The following NEURL1 variants were observed in gnomAD, a reference collection of about 807,000 sequenced individuals.
The protein encoded by NEURL1 is E3 ubiquitin-protein ligase NEURL1.
In NEURL1, 26 loss-of-function variants were observed where a neutral mutation model predicts 41.2. The ratio of observed to expected loss-of-function variants is 0.63; its 90% CI spans 0.46 to 0.87. NEURL1 has a LOEUF of 0.87. Ranked by LOEUF, NEURL1 falls within the 40% of genes least tolerant of loss-of-function variation. The pLI, the probability that NEURL1 is intolerant of heterozygous loss-of-function variation, is 0.00. For synonymous variants in NEURL1, 400 were observed against 402.3 expected (o/e 0.99, Z 0.07); for missense variants, 761 against 871.1 (o/e 0.87, Z 1.59).
chr10:103,527,610 C>T (rs2034487804), intron 1 of NEURL1, among the ~76,000 whole-genome samples: 1 of 151,948 alleles, frequency 6.6e-6, no homozygotes. Context: ...TATCTCGTTT[C>T]ATCAGCAGGG....
Position 103,493,807 on chromosome 10 carries a change from C to T in NEURL1, c.-581C>T, listed in dbSNP as rs1200682423. On this transcript the variant is annotated 5_prime_UTR_variant, in exon 1 of 6. Transcript: ENST00000369780. ...GGGGGCGGCGGTCGCAGGAGGGACC[C>T]GGCGCGGGCGGGACCGCGGCGGTCG... Among the ~76,000 whole-genome samples the T allele has an allele frequency of 1.3e-5, 2 of 151,690 alleles. No individual in the cohort carries two copies. The highest frequency in any genetic ancestry group is 2.9e-5 in the Non-Finnish European group (2 of 67,874).
intron 1 of NEURL1, among the ~76,000 whole-genome samples, chr10:103,561,232 G>C (rs2035285310): frequency 6.6e-6 from 1 of 151,816 alleles, no homozygotes; most frequent in African/African-American, 2.4e-5. Flanking sequence ...CCAGTCTTGG[G>C]TGTGACATTC....
chr10:103,570,757 G>T (rs570692757), intron 1 of NEURL1, 115 bp from the exon 2 acceptor site: 1 of 1,508,442 alleles, frequency 6.6e-7, no homozygotes, highest in Non-Finnish European at 8.9e-7. Context: ...AGTGGTGAAA[G>T]AACTGGGCTC....
At chr10:103,567,739 G>A (rs372060049) in intron 1 of NEURL1, among the ~76,000 whole-genome samples, 26 of 152,292 alleles carry the variant, frequency 1.7e-4, no homozygotes, top group African/African-American at 6.0e-4. Context: ...CTTGCAGTCA[G>A]ATTGCTGGGT....
chr10:103,550,275 G>C (rs530302585), intron 1 of NEURL1, among the ~76,000 whole-genome samples: 1 of 152,200 alleles, frequency 6.6e-6, no homozygotes, highest in African/African-American at 2.4e-5. Context: ...AGGGGTCAGG[G>C]GACAGGAGAT....
Position 103,590,776 on chromosome 10 carries a change from A to C in NEURL1, c.*404A>C, listed in dbSNP as rs1488611350. The C allele has an allele frequency of 8.0e-6, 2 of 250,174 alleles. No homozygotes were observed. The highest frequency in any genetic ancestry group is 4.5e-5 in the African/African-American group (2 of 44,780). The allele number at this position is 250,174 out of a possible 1,614,324, so 15.5% of individuals were successfully genotyped here. A position where few individuals can be genotyped will look rare whatever the true frequency, so the allele number is the denominator to read the frequency against. On this transcript the variant is annotated 3_prime_UTR_variant, in exon 6 of 6. Transcript: ENST00000369780. ...CATGTACCTTCCTCTGGGCAGCTGCAGCCCTGAGCCAGGACATGTGGCCTG... is the reference window on the plus strand; with the variant it reads ...CATGTACCTTCCTCTGGGCAGCTGCCGCCCTGAGCCAGGACATGTGGCCTG...
At position 103,590,552 on chromosome 10, in the gene NEURL1, G is replaced by A; in HGVS notation, c.*180G>A. 1 of 606,016 alleles carries A rather than the reference G, an allele frequency of 1.7e-6. No individual in the cohort carries two copies. Among genetic ancestry groups the A allele is most frequent in the South Asian group, 2.0e-5 (1 of 50,348 alleles). The allele number at this position is 606,016 out of a possible 1,614,324, so 37.5% of individuals were successfully genotyped here. On this transcript the variant is annotated 3_prime_UTR_variant, in exon 6 of 6. Transcript: ENST00000369780. ...AGAGGGGGGTATCAGGCAGGGAGGG[G>A]GCAGAGGCAAATCACCGGGCAGAGG...
intron 1 of NEURL1, among the ~76,000 whole-genome samples, chr10:103,552,842 G>A (rs1235190908): frequency 6.6e-6 from 1 of 151,652 alleles, no homozygotes; most frequent in Non-Finnish European, 1.5e-5. Flanking sequence ...TAGGGTAAGT[G>A]TTAGGAGATG....
At position 103,588,771 on chromosome 10, in the gene NEURL1, C is replaced by T. The variant is rs551483962; in HGVS notation, c.1340-743C>T. On this transcript the variant is annotated intron_variant, in intron 4 of 5. Transcript: ENST00000369780. ...CCATCTTGGCCAACATGGTGAAACC[C>T]CGTCTCTATTAAAAATATTAAAAAA... 800 of 422,230 alleles carry T rather than the reference C, an allele frequency of 1.9e-3. 12 individuals carry two copies. The highest frequency in any genetic ancestry group is 0.015 in the African/African-American group (736 of 48,486). The allele number at this position is 422,230 out of a possible 1,614,324, so 26.2% of individuals were successfully genotyped here. A position where few individuals can be genotyped will look rare whatever the true frequency, so the allele number is the denominator to read the frequency against.
At chr10:103,579,588 C>T (rs529105642) in intron 3 of NEURL1, among the ~76,000 whole-genome samples, 41 of 152,238 alleles carry the variant, frequency 2.7e-4, no homozygotes, top group African/African-American at 8.7e-4. Context: ...CTTAGTTCCT[C>T]GAAAGTCCTG....
intron 5 of NEURL1, 95 bp downstream of exon 5, chr10:103,589,755 G>T: frequency 2.7e-6 from 4 of 1,492,716 alleles, no homozygotes; most frequent in Non-Finnish European, 3.6e-6. Flanking sequence ...AGAGGAGCTG[G>T]AGTTGGGCTC....
chr10:103,509,016 G>T (rs1329550959), intron 1 of NEURL1, among the ~76,000 whole-genome samples: 3 of 152,170 alleles, frequency 2.0e-5, no homozygotes, highest in Admixed American at 6.5e-5. Context: ...ATCACCTGAG[G>T]TCAGGAGTTC....
intron 3 of NEURL1, among the ~76,000 whole-genome samples, chr10:103,576,675 A>G (rs1224391239): frequency 6.6e-6 from 1 of 152,162 alleles, no homozygotes; most frequent in Non-Finnish European, 1.5e-5. Flanking sequence ...GAGGCTATCA[A>G]CACATCTAAA....
At chr10:103,574,592 G>A (rs2035618385) in intron 3 of NEURL1, among the ~76,000 whole-genome samples, 1 of 152,216 alleles carries the variant, frequency 6.6e-6, no homozygotes, top group Non-Finnish European at 1.5e-5. Flanking sequence ...GAGGCCAGGA[G>A]GGCTTCTTGG....
chr10:103,577,626 G>A (rs2035693490), intron 3 of NEURL1: 1 of 152,228 alleles, frequency 6.6e-6, no homozygotes, highest in Admixed American at 6.5e-5. Flanking sequence ...CAAGAGCGGG[G>A]ACAGTGGCCC....
At chr10:103,559,778 A>G (rs2035241526) in intron 1 of NEURL1, among the ~76,000 whole-genome samples, 2 of 152,146 alleles carry the variant, frequency 1.3e-5, no homozygotes, top group African/African-American at 2.4e-5. Context: ...GTGTGCTTTT[A>G]TGAAGGTTTT....
rs1377317671 is a variant in NEURL1 at position 103,545,135 on chromosome 10, TG to T, written c.86-25733del. ...ACGGATGAATGTGCAAATTGTGAGA[TG>T]GGGCAGCTGCAGGGAACAGCTAGGA... On this transcript the variant is annotated intron_variant, in intron 1 of 5. Coordinates refer to ENST00000369780, the MANE Select transcript of NEURL1 (RefSeq NM_004210.5). The surrounding 1 kb of genome is among the most constrained non-coding windows in gnomAD (Gnocchi z 4.5). Among the ~76,000 whole-genome samples, 2 of 152,202 alleles carry T rather than the reference TG, an allele frequency of 1.3e-5. No individual in the cohort carries two copies. The highest frequency in any genetic ancestry group is 2.9e-5 in the Non-Finnish European group (2 of 68,042).
At chr10:103,583,554 C>A (rs2035828650) in intron 3 of NEURL1, among the ~76,000 whole-genome samples, 1 of 151,074 alleles carries the variant, frequency 6.6e-6, no homozygotes, top group South Asian at 2.1e-4. Flanking sequence ...GTCTCTACCC[C>A]AAAAATACAA....
intron 1 of NEURL1, among the ~76,000 whole-genome samples, chr10:103,524,901 G>A (rs1293024600): frequency 6.6e-6 from 1 of 152,000 alleles, no homozygotes; most frequent in East Asian, 1.9e-4. Context: ...TTTTTGCTCA[G>A]GATTGCTTTG....
Sources: gnomAD v4.1 joint callset for allele counts (sites outside exome capture counted in the v4.1 genomes callset) on GRCh38, gnomAD v4.1.1 for gene constraint, Gnocchi (gnomAD v3.1) non-coding constraint, MANE v1.5 for transcripts, NCBI Gene and HGNC (gene_info 2026-07-23, HGNC 2026-07-21) for gene names.